The following ANAPC1 variants were observed in gnomAD, a reference collection of about 807,000 sequenced individuals.
ANAPC1 encodes the protein anaphase promoting complex subunit 1, also known as anaphase-promoting complex subunit 1.
ANAPC1 carries 36 observed loss-of-function variants against 208.0 expected under a neutral mutation model. The observed-to-expected ratio is 0.17, with a 90% CI of 0.13 to 0.23. The LOEUF is 0.23. Among genes scored for constraint, ANAPC1 ranks in the 10% least tolerant of loss-of-function variants. The probability of loss-of-function intolerance (pLI) is 1.00; values close to 1 mark genes in which losing one functional copy is unlikely to be tolerated. For missense variants in ANAPC1, 942 were observed against 2,011.6 expected (o/e 0.47, Z 10.17); for synonymous variants, 378 against 695.2 (o/e 0.54, Z 7.18).
chr2:111,871,885 C>A (rs561143314), intron 6 of ANAPC1, among the ~76,000 whole-genome samples: 6 of 152,222 alleles, frequency 3.9e-5, no homozygotes, highest in African/African-American at 1.2e-4. Context: ...ATCTAGGGGT[C>A]TTTTGGAGGA....
At chr2:111,850,217 G>A (rs1351856528) in intron 14 of ANAPC1, among the ~76,000 whole-genome samples, 1 of 150,508 alleles carries the variant, frequency 6.6e-6, no homozygotes, top group African/African-American at 2.4e-5. Flanking sequence ...GAGTCCTTAT[G>A]ACTAGGAGAT....
intron 28 of ANAPC1, among the ~76,000 whole-genome samples, chr2:111,813,070 C>G (rs1346845824): frequency 1.1e-5 from 1 of 92,980 alleles, no homozygotes; most frequent in Non-Finnish European, 2.3e-5. Flanking sequence ...CAGGGCTCTC[C>G]TCCCCAGCTC....
At chr2:111,849,302 C>A (rs984981131) in intron 14 of ANAPC1, among the ~76,000 whole-genome samples, 15 of 152,118 alleles carry the variant, frequency 9.9e-5, no homozygotes, top group Admixed American at 2.0e-4. Flanking sequence ...TTATAGAATT[C>A]TAAAAAAGTT....
At chr2:111,829,530 T>TG (rs887598776) in intron 21 of ANAPC1, among the ~76,000 whole-genome samples, 16 of 152,230 alleles carry the variant, frequency 1.1e-4, no homozygotes, top group African/African-American at 3.9e-4. Flanking sequence ...TGCTCCAGGA[T>TG]GGGGGGACTG....
At chr2:111,856,706 T>G (rs777964900) in intron 12 of ANAPC1, 27 bp from the exon 13 acceptor site, 1 of 1,613,640 alleles carries the variant, frequency 6.2e-7, no homozygotes, top group Admixed American at 1.7e-5. Context: ...GACAAAAAAT[T>G]TATTTCCCAA....
chr2:111,845,034 G>A (rs766781353), intron 16 of ANAPC1, among the ~76,000 whole-genome samples: 3 of 152,146 alleles, frequency 2.0e-5, no homozygotes, highest in Non-Finnish European at 2.9e-5. Flanking sequence ...TTTTTGTAGA[G>A]ACAGAGTCTC....
intron 34 of ANAPC1, among the ~76,000 whole-genome samples, chr2:111,797,949 G>A (rs576631759): frequency 0.022 from 2,685 of 119,338 alleles, 89 homozygotes; most frequent in African/African-American, 0.076. Flanking sequence ...TCCTTTCTGC[G>A]GTTTCTGCTC....
At chr2:111,869,890 CAA>C (rs1004613175) in intron 6 of ANAPC1, among the ~76,000 whole-genome samples, 5 of 152,140 alleles carry the variant, frequency 3.3e-5, no homozygotes, top group African/African-American at 1.2e-4. Context: ...TCTGAGTCTC[CAA>C]AGTCCATCAT....
chr2:111,791,202 A>C, intron 38 of ANAPC1, among the ~76,000 whole-genome samples: 1 of 150,798 alleles, frequency 6.6e-6, no homozygotes, highest in Non-Finnish European at 1.5e-5. Context: ...AGAAATACAG[A>C]AATTAAAGCC....
At position 111,831,405 on chromosome 2, in the gene ANAPC1, A is replaced by C; in HGVS notation, c.2506T>G (p.Phe836Val). ...ATACTTGGTGGCTCAGACGTAAAAAATGATGGATGATGCATAAATCCTGTT... is the reference window on the plus strand; with the variant it reads ...ATACTTGGTGGCTCAGACGTAAAAACTGATGGATGATGCATAAATCCTGTT... ...GQTGFMHHPS[F>V]FTSEPPSIYQ... Residue 836 changes from phenylalanine (F) to valine (V), a missense_variant, in exon 21 of 48, where the codon TTT becomes GTT. By Grantham distance (50) the Phe-to-Val change is conservative. Transcript: ENST00000341068. The C allele has an allele frequency of 1.2e-6, 2 of 1,609,292 alleles. No individual in the cohort carries two copies. Among genetic ancestry groups the C allele is most frequent in the Non-Finnish European group, 1.7e-6 (2 of 1,178,354 alleles).
intron 13 of ANAPC1, among the ~76,000 whole-genome samples, chr2:111,854,418 C>T (rs1306417189): frequency 1.3e-5 from 2 of 152,034 alleles, no homozygotes; most frequent in South Asian, 2.1e-4. Context: ...TAAATGAGCA[C>T]GGGCTTCAAC....
At position 111,872,666 on chromosome 2, in the gene ANAPC1, C is replaced by T. The variant is rs1405474348; in HGVS notation, c.575G>A (p.Ser192Asn). Reference protein sequence around the residue: ...PTKYGLLFERSASSHEVPPGS... With the variant: ...PTKYGLLFERNASSHEVPPGS... ...TGGAGGTACTTCATGTGAAGAAGCG[C>T]TTCGTTCAAACAGCAATCCATATTT... Residue 192 changes from serine (S) to asparagine (N), a missense_variant, in exon 6 of 48, where the codon AGC becomes AAC. By Grantham distance (46) the Ser-to-Asn change is conservative. Coordinates refer to ENST00000341068, the MANE Select transcript of ANAPC1 (RefSeq NM_022662.4). The T allele has an allele frequency of 6.2e-7, 1 of 1,613,664 alleles. No homozygotes were observed. Among genetic ancestry groups the T allele is most frequent in the South Asian group, 1.1e-5 (1 of 91,060 alleles).
At chr2:111,777,151 C>T (rs1324203578) in intron 45 of ANAPC1, 94 bp from the exon 46 acceptor site, 19 of 597,848 alleles carry the variant, frequency 3.2e-5, no homozygotes, top group East Asian at 5.8e-5. Context: ...AATGTGGCTC[C>T]GAATTATAAA....
At chr2:111,858,224 C>CA (rs369817362) in intron 11 of ANAPC1, 82 bp downstream of exon 11, 16,760 of 883,446 alleles carry the variant, frequency 0.019, 159 homozygotes, top group African/African-American at 0.09. Flanking sequence ...CTACTTAAGC[C>CA]AAAAAAAAAA....
At chr2:111,836,508 C>T (rs546768515) in intron 18 of ANAPC1, among the ~76,000 whole-genome samples, 10 of 149,694 alleles carry the variant, frequency 6.7e-5, no homozygotes, top group Non-Finnish European at 1.0e-4. Flanking sequence ...ATTAGCCAGG[C>T]GTGATGGAGC....
rs767767639 is a variant in ANAPC1 at position 111,769,679 on chromosome 2, C to CTTTTTTTTTTT, written c.5720-284_5720-274dup. Among the ~76,000 whole-genome samples, 2 of 83,260 alleles carry CTTTTTTTTTTT rather than the reference C, an allele frequency of 2.4e-5. 1 individual carries two copies. The allele number at this position is 83,260 out of a possible 152,430, so 54.6% of individuals were successfully genotyped here. On this transcript the variant is annotated intron_variant, in intron 47 of 47. Transcript: ENST00000341068. ...TATCTGCATTACACCTACTGGCTTT[C>CTTTTTTTTTTT]TTTTTTTTTTTTTTTTTTTGGAGAC...
Position 111,783,249 on chromosome 2 carries a change from G to A in ANAPC1, c.5063+648C>T, listed in dbSNP as rs185071497. Among the ~76,000 whole-genome samples, 5 of 152,322 alleles carry A rather than the reference G, an allele frequency of 3.3e-5. No homozygotes were observed. In the East Asian group the frequency reaches 7.7e-4, roughly 23 times the overall value. On this transcript the variant is annotated intron_variant, in intron 42 of 47. Coordinates refer to ENST00000341068, the MANE Select transcript of ANAPC1 (RefSeq NM_022662.4). ...TTACTTTCTGACATGGTTAGGCTCT[G>A]TGTCCCCACCCAAATCTCATGTCAA... is the stretch of plus-strand genomic sequence containing the variant.
chr2:111,776,727 A>G (rs1677018221), intron 46 of ANAPC1, 132 bp downstream of exon 46: 3 of 170,040 alleles, frequency 1.8e-5, no homozygotes, highest in Non-Finnish European at 3.0e-5. Context: ...TGGAAACGTT[A>G]AATCTATAGC....
At position 111,856,661 on chromosome 2, in the gene ANAPC1, C is replaced by G. The variant is rs1191182770; in HGVS notation, c.1468G>C (p.Val490Leu). The G allele has an allele frequency of 8.7e-6, 14 of 1,613,916 alleles. No individual in the cohort carries two copies. The highest frequency in any genetic ancestry group is 1.0e-5 in the Non-Finnish European group (12 of 1,179,854). Residue 490 changes from valine (V) to leucine (L), a missense_variant, in exon 13 of 48, where the codon GTC becomes CTC. Coordinates refer to ENST00000341068, the MANE Select transcript of ANAPC1 (RefSeq NM_022662.4). The part of the protein sequence containing the change: ...APVEKIDTML[V>L]LEGSGNLVLY... Reference sequence around the variant, plus strand: ...ACCAGGTTTCCACTGCCTTCCAAGACCAGCATGGTGTCTATTTTCTAAAAA... The same window carrying G: ...ACCAGGTTTCCACTGCCTTCCAAGAGCAGCATGGTGTCTATTTTCTAAAAA...
Sources: allele counts gnomAD v4.1 joint callset (sites outside exome capture counted in the v4.1 genomes callset), GRCh38; gene constraint gnomAD v4.1.1; transcripts MANE v1.5; gene names NCBI Gene and HGNC (gene_info 2026-07-23, HGNC 2026-07-21).